CIITA: variants seen among roughly 807,000 people sequenced by gnomAD.
The protein encoded by CIITA is MHC class II transactivator.
In CIITA, 72 loss-of-function variants were observed where a neutral mutation model predicts 115.1. That is an observed-to-expected ratio of 0.63 (90% CI 0.52 to 0.76). The LOEUF (loss-of-function observed/expected upper bound fraction) is 0.76. Ranked by LOEUF, CIITA falls within the 30% of genes least tolerant of loss-of-function variation. The probability of loss-of-function intolerance (pLI) is 0.00; values close to 1 mark genes in which losing one functional copy is unlikely to be tolerated. For missense variants in CIITA, 1,617 were observed against 1,463.8 expected, an observed-to-expected ratio of 1.10 and a Z score of -1.71; for synonymous variants, 763 against 635.6, an observed-to-expected ratio of 1.20 and a Z score of -3.02.
chr16:10,908,938 T>C (rs1324680170), intron 11 of CIITA, 91 bp from the exon 12 acceptor site: 1 of 1,583,640 alleles, frequency 6.3e-7, no homozygotes, highest in Non-Finnish European at 8.7e-7. Context: ...AAGAAAGTAT[T>C]TTAATAGGTA....
At chr16:10,904,446 C>A (rs1482352639) in intron 9 of CIITA, among the ~76,000 whole-genome samples, 1 of 152,168 alleles carries the variant, frequency 6.6e-6, no homozygotes, top group Non-Finnish European at 1.5e-5. Flanking sequence ...GTCTCGAACT[C>A]CTGATCTCAA....
Position 10,933,074 on chromosome 16 carries a change from G to A in CIITA, c.*9219G>A, listed in dbSNP as rs1038853245. ...CAGAGCTGGAGCTTATAGAACCCAGGGCAGCAGGTTCTCCAACCTTCTGAC... is the reference window on the plus strand; with the variant it reads ...CAGAGCTGGAGCTTATAGAACCCAGAGCAGCAGGTTCTCCAACCTTCTGAC... On this transcript the variant is annotated 3_prime_UTR_variant, in exon 20 of 20. Coordinates refer to ENST00000324288, the MANE Select transcript of CIITA (RefSeq NM_000246.4). 1 of 152,118 alleles carries A rather than the reference G, an allele frequency of 6.6e-6. No individual in the cohort carries two copies. The allele number at this position is 152,118 out of a possible 1,614,324, so 9.4% of individuals were successfully genotyped here.
intron 1 of CIITA, among the ~76,000 whole-genome samples, chr16:10,881,352 G>C (rs1343913560): frequency 6.6e-6 from 1 of 152,110 alleles, no homozygotes; most frequent in Non-Finnish European, 1.5e-5. Context: ...CAGATGGGAG[G>C]TTTCCAAAGA....
chr16:10,902,567 G>T (rs573965744), intron 7 of CIITA, 91 bp from the exon 8 acceptor site: 9 of 1,537,386 alleles, frequency 5.9e-6, no homozygotes, highest in Non-Finnish European at 7.2e-6. Flanking sequence ...GGGCCCTTTA[G>T]GGGGGTCAGA....
At position 10,941,814 on chromosome 16, in the gene CIITA, G is replaced by A. The variant is rs1228411519; in HGVS notation, n.940G>A. 6.2e-7 allele frequency: 1 copy of A among 1,613,616 alleles called. No homozygotes were observed. The highest frequency in any genetic ancestry group is 1.1e-5 in the South Asian group (1 of 91,066). On this transcript the variant is annotated non_coding_transcript_exon_variant, in exon 2 of 2. Coordinates refer to the CIITA transcript ENST00000573379. The surrounding 1 kb of genome is among the most constrained non-coding windows in gnomAD (Gnocchi z 6.4). ...GCACGCCGAGGTCCACGAGCGCCTG[G>A]TCCATGTCCTCGGGCAGGAAGACGA...
chr16:10,919,464 G>T (rs1245062562), intron 16 of CIITA, among the ~76,000 whole-genome samples: 1 of 152,082 alleles, frequency 6.6e-6, no homozygotes, highest in Non-Finnish European at 1.5e-5. Context: ...CCCAAAGTGA[G>T]TACTAGGATT....
intron 1 of CIITA, chr16:10,866,459 T>C: frequency 1.8e-6 from 1 of 566,036 alleles, no homozygotes; most frequent in Non-Finnish European, 3.5e-6. Context: ...GCCAGGAAGA[T>C]CTCTTTGACC....
chr16:10,906,369 C>A, intron 10 of CIITA, 130 bp from the exon 11 acceptor site: 2 of 1,185,854 alleles, frequency 1.7e-6, no homozygotes, highest in Non-Finnish European at 2.4e-6. Context: ...CAAAACAAAA[C>A]AAAACAAACA....
intron 1 of CIITA, among the ~76,000 whole-genome samples, chr16:10,867,747 G>A (rs2035189040): frequency 6.6e-6 from 1 of 152,000 alleles, no homozygotes; most frequent in African/African-American, 2.4e-5. Context: ...TCCCTTCATT[G>A]TAATGTCACA....
chr16:10,931,149 A>ACT lies in CIITA; in HGVS notation c.*7295_*7296dup, dbSNP rs34777179. 0.96 allele frequency: 146,249 copies of ACT among 152,246 alleles called. 70,549 individuals are homozygous for ACT. Among genetic ancestry groups the ACT allele is most frequent in the Middle Eastern group, 1 (294 of 294 alleles). 9.4% of individuals were successfully genotyped at this position (152,246 alleles called of 1,614,324 possible). On this transcript the variant is annotated 3_prime_UTR_variant, in exon 20 of 20. Transcript: ENST00000324288. ...AGACCAGCCTGGGCAACACAGTGAG[A>ACT]CTGTCTCTATAAAAAATTTAAAAAT...
At chr16:10,876,899 G>A (rs2035884125), upstream of CIITA, among the ~76,000 whole-genome samples, 1 of 152,196 alleles carries the variant, frequency 6.6e-6, no homozygotes, top group South Asian at 2.1e-4. Flanking sequence ...GGCAGATATT[G>A]GCAGCTGGCA....
rs2144711700 is a variant in CIITA at position 10,907,028 on chromosome 16, C to T, written c.1536C>T (p.His512=). The change falls in exon 11 of 20, where the codon CAC becomes CAT. Residue 512 remains histidine, a synonymous_variant. Transcript: ENST00000324288. This position sits in a 1 kb window ranked among gnomAD's most constrained non-coding sequence, Gnocchi z 5.0. ...TGGAAGCGCAAGATGGCTTCCTGCACAGCACGTGCGGACCGGCACCGGCGG... is the reference window on the plus strand; with the variant it reads ...TGGAAGCGCAAGATGGCTTCCTGCATAGCACGTGCGGACCGGCACCGGCGG... The part of the protein sequence containing the change: ...EELEAQDGFL[H]STCGPAPAEP... The T allele has an allele frequency of 1.2e-6, 2 of 1,608,238 alleles. No homozygotes were observed. Among genetic ancestry groups the T allele is most frequent in the South Asian group, 1.1e-5 (1 of 91,070 alleles).
chr16:10,903,617 T>C, intron 8 of CIITA, 114 bp from the exon 9 acceptor site: 1 of 1,118,988 alleles, frequency 8.9e-7, no homozygotes, highest in Non-Finnish European at 1.4e-6. Flanking sequence ...AGTTCTACTC[T>C]CTTCTCTCCA....
intron 13 of CIITA, among the ~76,000 whole-genome samples, chr16:10,910,507 G>T (rs1004805092): frequency 6.6e-6 from 1 of 152,180 alleles, no homozygotes; most frequent in South Asian, 2.1e-4. Flanking sequence ...TTCAACAGAG[G>T]TATTGAGCAC....
chr16:10,925,409 T>G lies in CIITA; in HGVS notation c.*1554T>G, dbSNP rs1314422765. 6.6e-6 allele frequency: 1 copy of G among 152,358 alleles called. No homozygotes were observed. The highest frequency in any genetic ancestry group is 1.5e-5 in the Non-Finnish European group (1 of 68,156). The allele number at this position is 152,358 out of a possible 1,614,324, so 9.4% of individuals were successfully genotyped here. On this transcript the variant is annotated 3_prime_UTR_variant, in exon 20 of 20. Coordinates refer to ENST00000324288, the MANE Select transcript of CIITA (RefSeq NM_000246.4). ...TGCAGCCTCAACCTCCTGGGCTAAG[T>G]GATCCTCCCACCTCAGCCTCCCGAA...
At chr16:10,886,782 C>T (rs1360996134) in intron 1 of CIITA, among the ~76,000 whole-genome samples, 1 of 152,240 alleles carries the variant, frequency 6.6e-6, no homozygotes, top group African/African-American at 2.4e-5. Flanking sequence ...GCAGTCGATT[C>T]TGTGACTCAG....
rs11860058 is a variant in CIITA at position 10,932,915 on chromosome 16, C to A, written c.*9060C>A. The A allele has an allele frequency of 0.059, 9,015 of 152,002 alleles. 429 individuals carry two copies. Among genetic ancestry groups the A allele is most frequent in the African/African-American group, 0.13 (5,484 of 41,420 alleles). The allele number at this position is 152,002 out of a possible 1,614,324, so 9.4% of individuals were successfully genotyped here. On this transcript the variant is annotated 3_prime_UTR_variant, in exon 20 of 20. Coordinates refer to ENST00000324288, the MANE Select transcript of CIITA (RefSeq NM_000246.4). The stretch of plus-strand genomic sequence containing the variant: ...TGTTGGCCAGGCTAAAATCTCATAA[C>A]GTTTTAAGAAAGTTTATGAATCTGT...
intron 16 of CIITA, among the ~76,000 whole-genome samples, chr16:10,919,099 C>T (rs2040127622): frequency 6.6e-6 from 1 of 152,234 alleles, no homozygotes; most frequent in African/African-American, 2.4e-5. Context: ...AACTGCTCTC[C>T]TCTTCGCCAG....
rs1000244721 is a variant in CIITA, at chr16:10,879,116, T to G, written c.52+1734T>G. ...CGAGGCTCCGAGACTGTCAGCTACT[T>G]GCTCAAGGTCACACAGCAAGTCTGG... On this transcript the variant is annotated intron_variant, in intron 1 of 19. Transcript: ENST00000324288. The surrounding 1 kb of genome is among the most constrained non-coding windows in gnomAD (Gnocchi z 4.3). The G allele has an allele frequency of 5.3e-6, 1 of 187,040 alleles. No individual in the cohort carries two copies. Among genetic ancestry groups the G allele is most frequent in the Non-Finnish European group, 1.1e-5 (1 of 88,758 alleles). 11.6% of individuals were successfully genotyped at this position (187,040 alleles called of 1,614,324 possible).
Sources: allele counts gnomAD v4.1 joint callset (sites outside exome capture counted in the v4.1 genomes callset), GRCh38; gene constraint gnomAD v4.1.1; non-coding constraint Gnocchi (gnomAD v3.1); transcripts MANE v1.5; gene names NCBI Gene and HGNC (gene_info 2026-07-23, HGNC 2026-07-21).